The following ARHGAP22 variants were observed in gnomAD, a reference collection of about 807,000 sequenced individuals.
ARHGAP22 encodes rho GTPase-activating protein 22.
Under a neutral mutation model 59.1 loss-of-function variants are expected in ARHGAP22, and 48 were observed. The observed-to-expected ratio is 0.81, with a 90% CI of 0.64 to 1.03. The LOEUF is 1.03. ARHGAP22 is among the 50% of genes least tolerant of loss of function. ARHGAP22 has a pLI of 0.00. For synonymous variants in ARHGAP22, 445 were observed against 416.4 expected, an observed-to-expected ratio of 1.07 and a Z score of -0.84; for missense variants, 1,015 against 958.7, an observed-to-expected ratio of 1.06 and a Z score of -0.78.
intron 3 of ARHGAP22, among the ~76,000 whole-genome samples, chr10:48,535,441 G>A (rs956757505): frequency 6.6e-6 from 1 of 152,230 alleles, no homozygotes; most frequent in Admixed American, 6.5e-5. Flanking sequence ...TGCAGGGAGA[G>A]GGGGCAGGGA....
chr10:48,598,392 G>C (rs934802286), intron 1 of ARHGAP22, among the ~76,000 whole-genome samples: 1 of 152,124 alleles, frequency 6.6e-6, no homozygotes, highest in African/African-American at 2.4e-5. Context: ...TCAGCTTGTG[G>C]TGCTGAAACA....
At chr10:48,449,119 T>C (rs1053836772) in intron 9 of ARHGAP22, among the ~76,000 whole-genome samples, 1 of 152,216 alleles carries the variant, frequency 6.6e-6, no homozygotes, top group Non-Finnish European at 1.5e-5. Flanking sequence ...GCCTTCTGCA[T>C]GGACAGCCTT....
intron 3 of ARHGAP22, among the ~76,000 whole-genome samples, chr10:48,531,914 A>G (rs116595757): frequency 1.3e-3 from 203 of 152,312 alleles, no homozygotes; most frequent in African/African-American, 4.7e-3. Context: ...AGCCCTGTGG[A>G]GTGCTGGATT....
At chr10:48,631,682 A>G (rs965528976) in intron 1 of ARHGAP22, among the ~76,000 whole-genome samples, 1 of 152,162 alleles carries the variant, frequency 6.6e-6, no homozygotes, top group Non-Finnish European at 1.5e-5. Flanking sequence ...TTATAATATT[A>G]CTGACATTCA....
At chr10:48,560,263 A>T (rs1277880899) in intron 2 of ARHGAP22, among the ~76,000 whole-genome samples, 10 of 152,152 alleles carry the variant, frequency 6.6e-5, no homozygotes. Flanking sequence ...TGTGATCGGG[A>T]TTGCATAGAT....
upstream of ARHGAP22, among the ~76,000 whole-genome samples, chr10:48,654,295 G>A (rs2062671455): frequency 6.6e-6 from 1 of 152,132 alleles, no homozygotes. Flanking sequence ...CTCGCTTCAG[G>A]AACTAATACT....
intron 1 of ARHGAP22, among the ~76,000 whole-genome samples, chr10:48,610,757 G>A (rs187373181): frequency 5.9e-5 from 9 of 152,288 alleles, no homozygotes; most frequent in South Asian, 2.1e-4. Context: ...CAGATGACCC[G>A]CTGGAGGGGT....
At chr10:48,642,109 C>A (rs1269240597) in intron 1 of ARHGAP22, among the ~76,000 whole-genome samples, 1 of 152,162 alleles carries the variant, frequency 6.6e-6, no homozygotes, top group Non-Finnish European at 1.5e-5. Flanking sequence ...AATGGAAGAA[C>A]ATTCCATACT....
chr10:48,430,896 C>G, the ARHGAP22 span: 4 of 406,612 alleles, frequency 9.8e-6, no homozygotes, highest in African/African-American at 2.1e-5. Flanking sequence ...TGCTGTAGCA[C>G]AAGTTGCTGG....
In ARHGAP22 at chr10:48,604,771, G is replaced by A. The variant is rs1277246446; in HGVS notation, c.26C>T (p.Ala9Val). The change falls in exon 1 of 10, where the codon GCC becomes GTC. Residue 9 changes from alanine to valine, a missense_variant. Physicochemically the swap from Ala to Val is moderately conservative, Grantham distance 64. Transcript: ENST00000249601. MLSPKIRQARRARSKSLVM... is the reference protein window; with the variant it reads MLSPKIRQVRRARSKSLVM... Reference sequence around the variant, plus strand: ...CAGAAAGTTGGACTTACCCCTCCTGGCCTGCCTGATCTTTGGGCTCAGCAT... The same window carrying A: ...CAGAAAGTTGGACTTACCCCTCCTGACCTGCCTGATCTTTGGGCTCAGCAT... The A allele has an allele frequency of 6.2e-7, 1 of 1,614,112 alleles. No homozygotes were observed. Among genetic ancestry groups the A allele is most frequent in the South Asian group, 1.1e-5 (1 of 91,094 alleles).
chr10:48,555,475 C>A lies in ARHGAP22; in HGVS notation c.310G>T (p.Glu104Ter). 6.2e-7 allele frequency: 1 copy of A among 1,614,082 alleles called. No individual in the cohort carries two copies. Among genetic ancestry groups the A allele is most frequent in the Non-Finnish European group, 8.5e-7 (1 of 1,179,992 alleles). Residue 104 changes from glutamate (E) to a stop codon, truncating the protein, a stop_gained, in exon 3 of 10, where the codon GAG becomes TAG. Coordinates refer to ENST00000249601, the MANE Select transcript of ARHGAP22 (RefSeq NM_021226.4). LOFTEE classifies it high-confidence loss of function. ...GPEDPGKHLF[E>*]ISPGGAGERE... ...TGCTCAGGCCTACCTGGGCTGATCT[C>A]AAAGAGGTGCTTCCCTGGGTCCTCG...
chr10:48,547,932 T>A (rs1364723052), intron 3 of ARHGAP22, among the ~76,000 whole-genome samples: 1 of 152,222 alleles, frequency 6.6e-6, no homozygotes, highest in Non-Finnish European at 1.5e-5. Flanking sequence ...GTTTGTCTTC[T>A]ACTCTCCCCT....
At chr10:48,612,974 C>A (rs562469384) in intron 1 of ARHGAP22, among the ~76,000 whole-genome samples, 1 of 152,182 alleles carries the variant, frequency 6.6e-6, no homozygotes, top group Non-Finnish European at 1.5e-5. Flanking sequence ...TGGTTAGGAC[C>A]GATAGTAATC....
chr10:48,552,823 C>T (rs969032143), intron 3 of ARHGAP22, among the ~76,000 whole-genome samples: 1 of 152,196 alleles, frequency 6.6e-6, no homozygotes, highest in Admixed American at 6.5e-5. Context: ...TCTTCTTATT[C>T]GTTTTTAGCC....
intron 3 of ARHGAP22, among the ~76,000 whole-genome samples, chr10:48,481,666 T>C (rs2049337013): frequency 6.6e-6 from 1 of 152,312 alleles, no homozygotes; most frequent in East Asian, 1.9e-4. Context: ...TATATTTTTA[T>C]ATATGCATAA....
intron 3 of ARHGAP22, among the ~76,000 whole-genome samples, chr10:48,534,852 A>G (rs149356646): frequency 3.9e-5 from 6 of 152,288 alleles, no homozygotes; most frequent in African/African-American, 1.4e-4. Context: ...TTAGCATTCT[A>G]TTTACAGATA....
intron 3 of ARHGAP22, among the ~76,000 whole-genome samples, chr10:48,520,008 G>A (rs115360210): frequency 6.6e-6 from 1 of 152,234 alleles, no homozygotes; most frequent in African/African-American, 2.4e-5. Flanking sequence ...GCGATAAGTC[G>A]AGGGAATGCA....
intron 9 of ARHGAP22, among the ~76,000 whole-genome samples, chr10:48,449,536 A>C (rs562057383): frequency 6.6e-6 from 1 of 152,234 alleles, no homozygotes; most frequent in African/African-American, 2.4e-5. Flanking sequence ...ATTCCCTGCT[A>C]GTGGGTGGGA....
chr10:48,464,973 CG>C (rs1233706537), intron 4 of ARHGAP22, among the ~76,000 whole-genome samples: 1 of 151,754 alleles, frequency 6.6e-6, no homozygotes, highest in African/African-American at 2.4e-5. Context: ...TCCTTCCCCG[CG>C]GCCCTCCTGT....
Sources: allele counts gnomAD v4.1 joint callset (sites outside exome capture counted in the v4.1 genomes callset), GRCh38; gene constraint gnomAD v4.1.1; transcripts MANE v1.5; gene names NCBI Gene and HGNC (gene_info 2026-07-23, HGNC 2026-07-21).